The following KTN1 variants were observed in gnomAD, a reference collection of about 807,000 sequenced individuals.
KTN1 encodes kinectin 1.
A neutral mutation model predicts 222.5 loss-of-function variants in KTN1; 130 were observed. The observed-to-expected ratio is 0.58, with a 90% CI of 0.51 to 0.68. The LOEUF (loss-of-function observed/expected upper bound fraction) is 0.68. Among genes scored for constraint, KTN1 ranks in the 30% least tolerant of loss-of-function variants. The pLI is 0.00. For missense variants in KTN1, 1,508 were observed against 1,500.4 expected (o/e 1.01, Z -0.08); for synonymous variants, 512 against 496.3 (o/e 1.03, Z -0.42).
chr14:55,667,476 A>G, intron 34 of KTN1, 146 bp downstream of exon 34: 5 of 475,224 alleles, frequency 1.1e-5, no homozygotes, highest in Non-Finnish European at 1.8e-5. Flanking sequence ...TTCAGTAAAG[A>G]TTAATAACTT....
intron 7 of KTN1, among the ~76,000 whole-genome samples, chr14:55,631,108 T>A (rs1282744291): frequency 6.6e-6 from 1 of 150,416 alleles, no homozygotes; most frequent in Non-Finnish European, 1.5e-5. Flanking sequence ...TGAATTTTTT[T>A]TTTCTTATTT....
chr14:55,627,865 A>T, intron 5 of KTN1, 47 bp from the exon 6 acceptor site: 1 of 1,061,708 alleles, frequency 9.4e-7, no homozygotes, highest in Non-Finnish European at 1.5e-6. Context: ...AATTTTTATT[A>T]GCCCATGGTA....
chr14:55,648,105 A>C lies in KTN1; in HGVS notation c.2288A>C (p.Glu763Ala), dbSNP rs138926495. 1.9e-4 allele frequency: 298 copies of C among 1,540,144 alleles called. 4 individuals are homozygous for C. The East Asian group carries it at 6.9e-3, about 36-fold the overall frequency. The change falls in exon 20 of 44, where the codon GAG becomes GCG. Residue 763 changes from glutamate (E) to alanine (A), a missense_variant. Transcript: ENST00000395314. ...TGLIQVATKE[E>A]ELNAIRTENS... Reference sequence around the variant, plus strand: ...CTTATTCAGGTGGCAACTAAAGAAGAGGAGCTGAATGTAAAGCATTTTGTA... The same window carrying C: ...CTTATTCAGGTGGCAACTAAAGAAGCGGAGCTGAATGTAAAGCATTTTGTA...
rs1432696890 is a variant in KTN1, at chr14:55,680,525, C to T, written c.4069+840C>T. ...TTTTCTCTAAAACAATCATGATATC[C>T]TGGAGACCCTGAGGGGCAACTCATC... On this transcript the variant is annotated intron_variant, in intron 43 of 43. Transcript: ENST00000395314. 4 of 474,896 alleles carry T rather than the reference C, an allele frequency of 8.4e-6. No individual in the cohort carries two copies. The East Asian group carries it at 2.4e-4, about 29-fold the overall frequency. The allele number at this position is 474,896 out of a possible 1,614,324, so 29.4% of individuals were successfully genotyped here. A position where few individuals can be genotyped will look rare whatever the true frequency, so the allele number is the denominator to read the frequency against.
rs561879273 is a variant in KTN1 at position 55,678,717 on chromosome 14, CAGG to C, written c.3948+276_3948+278del. On this transcript the variant is annotated intron_variant, in intron 42 of 43. Coordinates refer to ENST00000395314, the MANE Select transcript of KTN1 (RefSeq NM_001079521.2). ...GCTTTTTAGGAACCAGGCCACACAG[CAGG>C]AGATGAGTGGTGGGTGAATGACCAT... is the stretch of plus-strand genomic sequence containing the variant. 1.6e-3 allele frequency: 556 copies of C among 355,198 alleles called. 3 individuals are homozygous for C. Among genetic ancestry groups the C allele is most frequent in the African/African-American group, 0.011 (516 of 48,434 alleles). 22.0% of individuals were successfully genotyped at this position (355,198 alleles called of 1,614,324 possible). A position where few individuals can be genotyped will look rare whatever the true frequency, so the allele number is the denominator to read the frequency against.
chr14:55,580,671 A>G (rs1451156985), intron 1 of KTN1, among the ~76,000 whole-genome samples: 2 of 151,782 alleles, frequency 1.3e-5, no homozygotes, highest in African/African-American at 4.8e-5. Context: ...CTCCCCAAGG[A>G]CGACTCTCCC....
chr14:55,672,775 G>GA, intron 38 of KTN1, 74 bp downstream of exon 38: 2 of 1,137,392 alleles, frequency 1.8e-6, no homozygotes, highest in Non-Finnish European at 2.6e-6. Flanking sequence ...AAGATCTATA[G>GA]TTTAAGATTA....
rs1319454013 is a variant in KTN1 at position 55,618,098 on chromosome 14, T to C, written c.796T>C (p.Ser266Pro). Residue 266 changes from serine to proline, a missense_variant, in exon 4 of 44, where the codon TCT (serine) becomes CCT (proline). By Grantham distance (74) the Ser-to-Pro change is moderately conservative (BLOSUM62 -1). Coordinates refer to ENST00000395314, the MANE Select transcript of KTN1 (RefSeq NM_001079521.2). ...TGACCAAGTAGAAGGGATCCAGAAA[T>C]CTGGGACTAAAAAACTGAAGACCGA... ...KPDQVEGIQK[S>P]GTKKLKTETD... The C allele has an allele frequency of 6.2e-7, 1 of 1,612,214 alleles. No homozygotes were observed. Among genetic ancestry groups the C allele is most frequent in the Non-Finnish European group, 8.5e-7 (1 of 1,179,242 alleles).
chr14:55,636,524 G>T lies in KTN1; in HGVS notation c.1537G>T (p.Ala513Ser). The T allele has an allele frequency of 6.2e-7, 1 of 1,608,376 alleles. No homozygotes were observed. The highest frequency in any genetic ancestry group is 8.5e-7 in the Non-Finnish European group (1 of 1,176,776). Residue 513 changes from alanine to serine, a missense_variant, in exon 10 of 44, where the codon GCA (alanine) becomes TCA (serine). Ala to Ser is a moderately conservative substitution (Grantham distance 99, BLOSUM62 1). Transcript: ENST00000395314. ...CAGGAAGAGAACAGCGGAACATGAG[G>T]CAGCACAGCAAGGTAAGGGGAAGAA... ...YIRKRTAEHE[A>S]AQQDLQSKFV...
chr14:55,615,188 G>A (rs2038167632), intron 2 of KTN1, among the ~76,000 whole-genome samples: 1 of 152,106 alleles, frequency 6.6e-6, no homozygotes, highest in African/African-American at 2.4e-5. Flanking sequence ...TTTTATTGTG[G>A]CAAATTACAG....
intron 1 of KTN1, among the ~76,000 whole-genome samples, chr14:55,599,887 ACTT>A (rs2035702241): frequency 6.6e-6 from 1 of 151,994 alleles, no homozygotes; most frequent in African/African-American, 2.4e-5. Context: ...TGTCAATACT[ACTT>A]ATTAAATCTA....
chr14:55,678,979 C>T (rs1471963129), intron 42 of KTN1: 1 of 155,984 alleles, frequency 6.4e-6, no homozygotes, highest in Non-Finnish European at 1.4e-5. Flanking sequence ...AGAGTATAGA[C>T]TCTGGAGCTA....
Position 55,634,634 on chromosome 14 carries a change from T to C in KTN1, c.1437T>C (p.Ala479=). The C allele has an allele frequency of 6.2e-7, 1 of 1,613,516 alleles. No homozygotes were observed. Residue 479 remains alanine, a synonymous_variant, in exon 9 of 44, where the codon GCT becomes GCC. Transcript: ENST00000395314. ...AAGAGGAAGTCCAAAAGAAGAATGC[T>C]GAGCAAGCAGCTACTCAGTTGAAGG... The part of the protein sequence containing the change: ...LQQEEVQKKN[A]EQAATQLKVQ...
At chr14:55,677,722 G>A (rs2046008716) in intron 41 of KTN1, among the ~76,000 whole-genome samples, 1 of 151,916 alleles carries the variant, frequency 6.6e-6, no homozygotes, top group Middle Eastern at 3.2e-3. Flanking sequence ...TTTTGAGATG[G>A]AGTTTTGCTC....
intron 32 of KTN1, chr14:55,662,835 A>G (rs1482339991): frequency 1.5e-5 from 7 of 455,642 alleles, no homozygotes; most frequent in Non-Finnish European, 2.6e-5. Context: ...TAGCCACAAA[A>G]CTTGAGGTGA....
At chr14:55,662,783 T>C in intron 32 of KTN1, 1 of 376,874 alleles carries the variant, frequency 2.7e-6, no homozygotes, top group South Asian at 1.9e-5. Context: ...GGTACATGAA[T>C]TGCCACTTCT....
rs193088343 is a variant in KTN1 at position 55,637,139 on chromosome 14, T to A, written c.1550-59T>A. ...GAGGAGAGAATGCCTACACGAAAGATGAGTATGAGTAACTAGGCAAAGAAA... is the reference window on the plus strand; with the variant it reads ...GAGGAGAGAATGCCTACACGAAAGAAGAGTATGAGTAACTAGGCAAAGAAA... On this transcript the variant is annotated intron_variant, in intron 10 of 43. Transcript: ENST00000395314. The A allele has an allele frequency of 2.2e-5, 28 of 1,274,244 alleles. No individual in the cohort carries two copies. The Admixed American group carries it at 5.9e-4, about 27-fold the overall frequency. The allele number at this position is 1,274,244 out of a possible 1,614,324, so 78.9% of individuals were successfully genotyped here.
intron 9 of KTN1, among the ~76,000 whole-genome samples, chr14:55,636,116 A>G (rs1478869784): frequency 2.0e-5 from 3 of 152,216 alleles, no homozygotes; most frequent in African/African-American, 7.2e-5. Context: ...CTTATCAGCT[A>G]AAGGAAGGTT....
At chr14:55,594,183 AT>A (rs912963521) in intron 1 of KTN1, among the ~76,000 whole-genome samples, 1 of 151,878 alleles carries the variant, frequency 6.6e-6, no homozygotes. Flanking sequence ...CGTTATCTTC[AT>A]TTCTACCTAT....
Sources: allele counts gnomAD v4.1 joint callset (sites outside exome capture counted in the v4.1 genomes callset), GRCh38; gene constraint gnomAD v4.1.1; transcripts MANE v1.5; gene names NCBI Gene and HGNC (gene_info 2026-07-23, HGNC 2026-07-21).